The following RCAN2 variants were observed in gnomAD, a reference collection of about 807,000 sequenced individuals.
RCAN2 encodes regulator of calcineurin 2.
In RCAN2, 9 loss-of-function variants were observed where a neutral mutation model predicts 23.6. The observed-to-expected ratio is 0.38, with a 90% CI of 0.23 to 0.67. RCAN2 has a LOEUF of 0.67. Ranked by LOEUF, RCAN2 falls within the 30% of genes least tolerant of loss-of-function variation. The pLI is 0.51. For missense variants in RCAN2, 273 were observed against 302.3 expected (o/e 0.90, Z 0.72); for synonymous variants, 109 against 115.7 (o/e 0.94, Z 0.37).
At chr6:46,397,211 A>T (rs984715764) in intron 2 of RCAN2, among the ~76,000 whole-genome samples, 2 of 152,220 alleles carry the variant, frequency 1.3e-5, no homozygotes, top group Non-Finnish European at 2.9e-5. Context: ...CAAAATGGGC[A>T]AAATATAGAG....
intron 2 of RCAN2, among the ~76,000 whole-genome samples, chr6:46,346,061 A>G (rs1237331478): frequency 3.9e-5 from 6 of 152,196 alleles, no homozygotes; most frequent in Non-Finnish European, 8.8e-5. Flanking sequence ...CTGATACAGA[A>G]TATGCTTTCT....
intron 2 of RCAN2, among the ~76,000 whole-genome samples, chr6:46,452,261 C>G (rs1408335333): frequency 6.6e-6 from 1 of 152,180 alleles, no homozygotes; most frequent in Admixed American, 6.5e-5. Context: ...AGTCTCTGCT[C>G]TCTAGTGTCC....
intron 2 of RCAN2, among the ~76,000 whole-genome samples, chr6:46,381,468 G>C (rs895058995): frequency 6.6e-6 from 1 of 152,112 alleles, no homozygotes; most frequent in African/African-American, 2.4e-5. Context: ...AGAATGAACA[G>C]GAGATGAGCT....
At chr6:46,459,044 C>T (rs1344792609) in intron 1 of RCAN2, among the ~76,000 whole-genome samples, 7 of 152,128 alleles carry the variant, frequency 4.6e-5, no homozygotes, top group South Asian at 2.1e-4. Flanking sequence ...ATTACAGGCA[C>T]GTGCTACCAC....
intron 2 of RCAN2, among the ~76,000 whole-genome samples, chr6:46,388,742 C>T (rs190180494): frequency 6.6e-6 from 1 of 152,060 alleles, no homozygotes; most frequent in East Asian, 1.9e-4. Flanking sequence ...AGTGGGAGTT[C>T]AACAATGAAA....
At chr6:46,391,815 G>T (rs769919745) in intron 2 of RCAN2, among the ~76,000 whole-genome samples, 3 of 152,162 alleles carry the variant, frequency 2.0e-5, no homozygotes, top group Non-Finnish European at 4.4e-5. Context: ...CAGAGTGTGT[G>T]TTTGTGTTTA....
At chr6:46,404,852 T>C (rs1766351984) in intron 2 of RCAN2, among the ~76,000 whole-genome samples, 1 of 152,234 alleles carries the variant, frequency 6.6e-6, no homozygotes, top group Non-Finnish European at 1.5e-5. Flanking sequence ...AACCCATATA[T>C]GACTGCACCA....
chr6:46,412,755 T>G (rs1766584233), intron 2 of RCAN2, among the ~76,000 whole-genome samples: 1 of 152,116 alleles, frequency 6.6e-6, no homozygotes, highest in South Asian at 2.1e-4. Flanking sequence ...GCTGTCTTAG[T>G]GGAAGAGCAG....
chr6:46,461,866 G>A (rs2396686), intron 1 of RCAN2, among the ~76,000 whole-genome samples: 323 of 152,264 alleles, frequency 2.1e-3, no homozygotes, highest in South Asian at 4.4e-3. Flanking sequence ...GATTACAGGC[G>A]TGAGCCACCA....
intron 2 of RCAN2, among the ~76,000 whole-genome samples, chr6:46,263,663 A>G (rs1767219584): frequency 6.6e-6 from 1 of 151,644 alleles, no homozygotes; most frequent in Non-Finnish European, 1.5e-5. Context: ...GGAAGACTTC[A>G]GAATTCTCCA....
At position 46,413,591 on chromosome 6, in the gene RCAN2, C is replaced by T. The variant is rs190425747; in HGVS notation, c.225+43161G>A. 2.2e-4 allele frequency among the ~76,000 whole-genome samples: 34 copies of T among 152,204 alleles called. No homozygotes were observed. In the South Asian group the frequency reaches 3.5e-3, roughly 16 times the overall value. On this transcript the variant is annotated intron_variant, in intron 2 of 4. Transcript: ENST00000371374. ...ATTTTTGGGTTAAAATAAGCCTGTA[C>T]GAGTATATGATCTTAGAAATATAAG... is the stretch of plus-strand genomic sequence containing the variant.
At chr6:46,298,409 T>C (rs1004661445) in intron 2 of RCAN2, among the ~76,000 whole-genome samples, 1 of 152,202 alleles carries the variant, frequency 6.6e-6, no homozygotes, top group South Asian at 2.1e-4. Flanking sequence ...GCAAACCAGG[T>C]ATCACATTTT....
At chr6:46,239,690 G>A (rs1022684684) in intron 4 of RCAN2, among the ~76,000 whole-genome samples, 5 of 152,190 alleles carry the variant, frequency 3.3e-5, no homozygotes, top group Non-Finnish European at 7.3e-5. Flanking sequence ...GGGGGAGGAT[G>A]AGAGTGAGCA....
chr6:46,354,381 T>G (rs974933589), intron 2 of RCAN2, among the ~76,000 whole-genome samples: 6 of 152,258 alleles, frequency 3.9e-5, no homozygotes, highest in African/African-American at 1.4e-4. Flanking sequence ...ACTAGTGAAA[T>G]CTAAATAAGT....
At chr6:46,430,882 GA>G (rs1429088284) in intron 2 of RCAN2, among the ~76,000 whole-genome samples, 4 of 151,996 alleles carry the variant, frequency 2.6e-5, no homozygotes, top group Admixed American at 6.6e-5. Flanking sequence ...TGAGGAATAA[GA>G]AAAAAATGAT....
At chr6:46,440,662 A>G (rs540603813) in intron 2 of RCAN2, among the ~76,000 whole-genome samples, 2 of 152,240 alleles carry the variant, frequency 1.3e-5, no homozygotes, top group East Asian at 3.9e-4. Context: ...ATCAATAAGA[A>G]AAAAGATAGT....
At chr6:46,259,854 A>G (rs1323824721) in intron 2 of RCAN2, among the ~76,000 whole-genome samples, 1 of 152,230 alleles carries the variant, frequency 6.6e-6, no homozygotes, top group African/African-American at 2.4e-5. Context: ...ACTTATGCTC[A>G]TCCTTTTATT....
intron 1 of RCAN2, among the ~76,000 whole-genome samples, chr6:46,474,633 C>T (rs142807154): frequency 3.3e-5 from 5 of 152,224 alleles, no homozygotes; most frequent in African/African-American, 1.2e-4. Context: ...TTAGGAAAAA[C>T]CTCCTCACAA....
intron 2 of RCAN2, among the ~76,000 whole-genome samples, chr6:46,377,835 C>A (rs1320209843): frequency 1.3e-5 from 2 of 152,066 alleles, no homozygotes; most frequent in Non-Finnish European, 2.9e-5. Flanking sequence ...GAGTTCAAAC[C>A]CACATGAAAC....
Sources: gnomAD v4.1 joint callset for allele counts (sites outside exome capture counted in the v4.1 genomes callset) on GRCh38, gnomAD v4.1.1 for gene constraint, MANE v1.5 for transcripts, NCBI Gene and HGNC (gene_info 2026-07-23, HGNC 2026-07-21) for gene names.